DEFB119: variants seen among roughly 807,000 people sequenced by gnomAD.
DEFB119 encodes beta-defensin 119.
Under a neutral mutation model 2.5 loss-of-function variants are expected in DEFB119, and 3 were observed. The observed-to-expected ratio is 1.19, with a 90% confidence interval of 0.54 to 3.07. DEFB119 has a LOEUF of 3.07. Ranked by LOEUF, DEFB119 falls within the 30% of genes most tolerant of loss-of-function variation. The pLI is 0.03. For missense variants in DEFB119, 113 were observed against 101.1 expected (o/e 1.12, Z -0.50); for synonymous variants, 29 against 33.7 (o/e 0.86, Z 0.48).
intron 1 of DEFB119, among the ~76,000 whole-genome samples, chr20:31,383,532 TTAAA>T (rs1568730180): frequency 1.1e-4 from 2 of 18,214 alleles, no homozygotes; most frequent in Non-Finnish European, 3.3e-4. Context: ...AGACTCTGTC[TTAAA>T]AAAAAAAAAA....
At chr20:31,379,246 G>A (rs577255434) in intron 1 of DEFB119, among the ~76,000 whole-genome samples, 1 of 152,098 alleles carries the variant, frequency 6.6e-6, no homozygotes, top group African/African-American at 2.4e-5. Flanking sequence ...TTGTCGGAAG[G>A]CATTAAAAGA....
intron 1 of DEFB119, among the ~76,000 whole-genome samples, chr20:31,384,185 T>C (rs962489233): frequency 2.0e-5 from 3 of 152,190 alleles, no homozygotes; most frequent in African/African-American, 7.2e-5. Context: ...GGTTTAAAAA[T>C]ATAATTCCAT....
At chr20:31,377,549 A>C in intron 1 of DEFB119, 110 bp from the exon 2 acceptor site, 1 of 1,165,726 alleles carries the variant, frequency 8.6e-7, no homozygotes, top group South Asian at 1.6e-5. Flanking sequence ...GAAAACCTAA[A>C]GGACAATAGT....
chr20:31,383,659 C>T (rs2122300119), intron 1 of DEFB119, among the ~76,000 whole-genome samples: 1 of 151,656 alleles, frequency 6.6e-6, no homozygotes, highest in East Asian at 1.9e-4. Flanking sequence ...CACGGTGAAA[C>T]CCCTGAAACC....
chr20:31,380,081 C>T (rs1986452438), intron 1 of DEFB119, among the ~76,000 whole-genome samples: 2 of 152,170 alleles, frequency 1.3e-5, no homozygotes, highest in African/African-American at 4.8e-5. Flanking sequence ...ATCCTCTTCA[C>T]AGGGTGTTTC....
intron 1 of DEFB119, among the ~76,000 whole-genome samples, chr20:31,382,281 G>C (rs1268043649): frequency 1.3e-5 from 2 of 152,114 alleles, no homozygotes; most frequent in East Asian, 3.8e-4. Context: ...AGGGGCTATA[G>C]AGAGATTAAA....
At chr20:31,377,574 GA>G (rs1035786933) in intron 1 of DEFB119, 135 bp from the exon 2 acceptor site, 56 of 976,676 alleles carry the variant, frequency 5.7e-5, no homozygotes, top group Non-Finnish European at 7.9e-5. Context: ...TCTACTTCCA[GA>G]AAAAAAAGAG....
chr20:31,382,876 A>G (rs1444529777), intron 1 of DEFB119, among the ~76,000 whole-genome samples: 2 of 152,262 alleles, frequency 1.3e-5, no homozygotes, highest in African/African-American at 2.4e-5. Flanking sequence ...GAAAGGGGAC[A>G]ATAATTCAAA....
chr20:31,387,999 G>C, intron 1 of DEFB119: 1 of 918,260 alleles, frequency 1.1e-6, no homozygotes, highest in South Asian at 5.0e-5. Context: ...CATGAACCAT[G>C]CTTTACCGAG....
intron 1 of DEFB119, chr20:31,388,896 A>T: frequency 1.4e-6 from 2 of 1,472,438 alleles, no homozygotes; most frequent in Non-Finnish European, 1.8e-6. Context: ...CTAGCTCTTC[A>T]CCTCCCCCTG....
intron 1 of DEFB119, among the ~76,000 whole-genome samples, chr20:31,378,548 G>C (rs1469929509): frequency 6.6e-6 from 1 of 152,102 alleles, no homozygotes; most frequent in African/African-American, 2.4e-5. Context: ...ACAATCAACA[G>C]AACTGAGAGC....
At chr20:31,388,906 G>C in intron 1 of DEFB119, 2 of 1,482,006 alleles carry the variant, frequency 1.3e-6, no homozygotes, top group Non-Finnish European at 1.8e-6. Context: ...ACCTCCCCCT[G>C]CCATCCCCCC....
At chr20:31,385,365 A>T (rs1044879088) in intron 1 of DEFB119, among the ~76,000 whole-genome samples, 7 of 125,932 alleles carry the variant, frequency 5.6e-5, no homozygotes, top group African/African-American at 2.1e-4. Flanking sequence ...CAAGACAAAT[A>T]ACAAAAGACA....
intron 1 of DEFB119, among the ~76,000 whole-genome samples, chr20:31,387,696 T>A (rs1986762365): frequency 6.6e-6 from 1 of 152,004 alleles, no homozygotes; most frequent in Non-Finnish European, 1.5e-5. Context: ...GGCCCCACCC[T>A]CCAGGGAGGG....
At chr20:31,378,625 T>C (rs1161885814) in intron 1 of DEFB119, among the ~76,000 whole-genome samples, 1 of 152,232 alleles carries the variant, frequency 6.6e-6, no homozygotes, top group Non-Finnish European at 1.5e-5. Flanking sequence ...AGTATAAATG[T>C]AGTACAGTCT....
In DEFB119 at chr20:31,377,286, GTATTTTCC is replaced by G; in HGVS notation, c.207_214del (p.Glu69AspfsTer6). Reference sequence around the variant, plus strand: ...CCACTGCTTCTCATAAGACCAGTCGGTATTTTCCTCTTTGCCAGAAATGCTTATCCTCA... The same window carrying G: ...CCACTGCTTCTCATAAGACCAGTCGGTCTTTGCCAGAAATGCTTATCCTCA... On this transcript the variant is annotated frameshift_variant, in exon 2 of 2. Coordinates refer to ENST00000376321, the MANE Select transcript of DEFB119 (RefSeq NM_153289.4). LOFTEE classifies it high-confidence loss of function. 6.2e-7 allele frequency: 1 copy of G among 1,613,990 alleles called. No homozygotes were observed. Among genetic ancestry groups the G allele is most frequent in the Non-Finnish European group, 8.5e-7 (1 of 1,179,962 alleles).
chr20:31,380,189 C>T (rs142058323), intron 1 of DEFB119, among the ~76,000 whole-genome samples: 40 of 152,252 alleles, frequency 2.6e-4, no homozygotes, highest in Admixed American at 3.9e-4. Context: ...ACCAAACACA[C>T]GGTCTGAATG....
intron 1 of DEFB119, chr20:31,378,249 C>G: frequency 1.3e-6 from 2 of 1,562,886 alleles, no homozygotes; most frequent in Non-Finnish European, 1.8e-6. Context: ...AACAGGGCCA[C>G]CACTCCCTGA....
chr20:31,379,160 A>G (rs1330594361), intron 1 of DEFB119, among the ~76,000 whole-genome samples: 1 of 151,772 alleles, frequency 6.6e-6, no homozygotes, highest in Non-Finnish European at 1.5e-5. Context: ...CTGGTCTCAA[A>G]CTCCTGACCT....
Sources: allele counts gnomAD v4.1 joint callset (sites outside exome capture counted in the v4.1 genomes callset), GRCh38; gene constraint gnomAD v4.1.1; transcripts MANE v1.5; gene names NCBI Gene and HGNC (gene_info 2026-07-23, HGNC 2026-07-21).